Variants in TRIM24 observed in about 807,000 individuals in gnomAD.
TRIM24 encodes tripartite motif containing 24.
TRIM24 carries 29 observed loss-of-function variants against 123.9 expected under a neutral mutation model. The ratio of observed to expected loss-of-function variants is 0.23; its 90% CI spans 0.17 to 0.32. TRIM24 has a LOEUF of 0.32. Among genes scored for constraint, TRIM24 ranks in the 10% least tolerant of loss-of-function variants. The pLI is 1.00. For missense variants in TRIM24, 932 were observed against 1,295.3 expected, an observed-to-expected ratio of 0.72 and a Z score of 4.31; for synonymous variants, 456 against 461.1, an observed-to-expected ratio of 0.99 and a Z score of 0.14.
At chr7:138,471,849 T>C (rs1795279973) in intron 1 of TRIM24, among the ~76,000 whole-genome samples, 1 of 152,134 alleles carries the variant, frequency 6.6e-6, no homozygotes, top group South Asian at 2.1e-4. Flanking sequence ...CCTGGTATAA[T>C]ACATTTAAAA....
intron 4 of TRIM24, 38 bp from the exon 5 acceptor site, chr7:138,525,203 G>T: frequency 1.0e-6 from 1 of 958,780 alleles, no homozygotes; most frequent in South Asian, 2.0e-5. Context: ...TTTCCTCATT[G>T]TATATTTTTA....
intron 16 of TRIM24, 101 bp from the exon 17 acceptor site, chr7:138,581,596 T>TTAGTC (rs1464942763): frequency 1.0e-6 from 1 of 993,434 alleles, no homozygotes; most frequent in Admixed American, 2.7e-5. Context: ...GTTTTAATTT[T>TTAGTC]TAGTCTGACA....
chr7:138,537,379 GTTTTTTT>G (rs71177994), intron 6 of TRIM24, among the ~76,000 whole-genome samples: 151 of 56,624 alleles, frequency 2.7e-3, no homozygotes, highest in African/African-American at 0.01. Flanking sequence ...ACCCCTGTTT[GTTTTTTT>G]TTTTTTTTTT....
chr7:138,571,866 C>A (rs1474976014), intron 11 of TRIM24, among the ~76,000 whole-genome samples: 1 of 82,064 alleles, frequency 1.2e-5, no homozygotes, highest in African/African-American at 3.2e-5. Flanking sequence ...CCACTACACC[C>A]AGCCAGTATG....
At chr7:138,473,860 T>C (rs1170107590) in intron 1 of TRIM24, among the ~76,000 whole-genome samples, 1 of 152,180 alleles carries the variant, frequency 6.6e-6, no homozygotes, top group Non-Finnish European at 1.5e-5. Context: ...AGCCTTAACC[T>C]TCCAGGCCTG....
intron 8 of TRIM24, among the ~76,000 whole-genome samples, chr7:138,552,296 C>G (rs1054246902): frequency 1.3e-5 from 2 of 152,098 alleles, no homozygotes; most frequent in African/African-American, 4.8e-5. Flanking sequence ...CATCCTTTAG[C>G]AACACATAAC....
chr7:138,547,716 C>T (rs1797129501), intron 7 of TRIM24, among the ~76,000 whole-genome samples: 1 of 152,138 alleles, frequency 6.6e-6, no homozygotes, highest in Non-Finnish European at 1.5e-5. Context: ...CCCTCTGTCA[C>T]CCAGGCTTGG....
chr7:138,573,486 A>G (rs1413895052), intron 11 of TRIM24, 21 bp from the exon 12 acceptor site: 1 of 1,533,968 alleles, frequency 6.5e-7, no homozygotes, highest in Non-Finnish European at 8.8e-7. Context: ...AATGCCCTGA[A>G]ATAATTTCTT....
intron 2 of TRIM24, 36 bp downstream of exon 2, chr7:138,504,444 G>GTTTTTTTTTTTTTTTTTTTTTT (rs1563036659): frequency 1.5e-5 from 9 of 603,602 alleles, no homozygotes; most frequent in African/African-American, 6.6e-5. Context: ...TTGCCTGCCA[G>GTTTTTTTTTTTTTTTTTTTTTT]CTCTTTTTTT....
chr7:138,579,154 T>C, intron 14 of TRIM24, 50 bp from the exon 15 acceptor site: 1 of 1,465,126 alleles, frequency 6.8e-7, no homozygotes, highest in Non-Finnish European at 9.2e-7. Flanking sequence ...ATTGCATTAG[T>C]GATAAAATTT....
intron 7 of TRIM24, among the ~76,000 whole-genome samples, chr7:138,550,319 G>GTGTA (rs1491427944): frequency 1.9e-5 from 1 of 52,876 alleles, no homozygotes; most frequent in Non-Finnish European, 4.1e-5. Context: ...GGAGTTGATG[G>GTGTA]TGTGTGTGTG....
intron 1 of TRIM24, chr7:138,491,463 T>C (rs1795779336): frequency 6.5e-6 from 1 of 154,198 alleles, no homozygotes; most frequent in East Asian, 1.9e-4. Flanking sequence ...GTCTGACTTA[T>C]TTCCTTTAGC....
chr7:138,492,712 T>C (rs1217700677), intron 1 of TRIM24, among the ~76,000 whole-genome samples: 1 of 152,204 alleles, frequency 6.6e-6, no homozygotes, highest in Non-Finnish European at 1.5e-5. Context: ...CCCTTAGACG[T>C]TGGAAAATTA....
chr7:138,463,053 T>TTG (rs1554429473), intron 1 of TRIM24, among the ~76,000 whole-genome samples: 4 of 129,030 alleles, frequency 3.1e-5, no homozygotes, highest in Non-Finnish European at 5.0e-5. Flanking sequence ...GTTTTTTTTT[T>TTG]TTTTTTTTTT....
At chr7:138,516,606 T>TC (rs1796401317) in intron 3 of TRIM24, among the ~76,000 whole-genome samples, 7 of 152,146 alleles carry the variant, frequency 4.6e-5, no homozygotes, top group African/African-American at 1.7e-4. Flanking sequence ...CCGCCAGCCT[T>TC]GGCCTCCCAA....
intron 1 of TRIM24, among the ~76,000 whole-genome samples, chr7:138,503,995 G>A (rs1796095961): frequency 6.6e-6 from 1 of 152,054 alleles, no homozygotes; most frequent in Non-Finnish European, 1.5e-5. Flanking sequence ...CGTTTCTGTT[G>A]GAAAACCACT....
intron 3 of TRIM24, among the ~76,000 whole-genome samples, chr7:138,516,470 A>G (rs1469618360): frequency 1.3e-5 from 2 of 152,036 alleles, no homozygotes; most frequent in Non-Finnish European, 2.9e-5. Flanking sequence ...GGTTCATGCT[A>G]TTCTCCTGCC....
Position 138,530,081 on chromosome 7 carries a change from T to C in TRIM24, c.996+851T>C, listed in dbSNP as rs546507969. Among the ~76,000 whole-genome samples, 31 of 152,316 alleles carry C rather than the reference T, an allele frequency of 2.0e-4. No homozygotes were observed. In the East Asian group the frequency reaches 5.8e-3, roughly 28 times the overall value. On this transcript the variant is annotated intron_variant, in intron 6 of 18. Transcript: ENST00000343526. ...TATCCCTTCTGGGAAAGCATGGTCATTCCTGTGTATTATCAGCTGTACAGG... is the reference window on the plus strand; with the variant it reads ...TATCCCTTCTGGGAAAGCATGGTCACTCCTGTGTATTATCAGCTGTACAGG...
At chr7:138,462,034 C>T (rs1794993227) in intron 1 of TRIM24, among the ~76,000 whole-genome samples, 1 of 152,136 alleles carries the variant, frequency 6.6e-6, no homozygotes, top group African/African-American at 2.4e-5. Flanking sequence ...CCCTTGCCAG[C>T]GAGATACTGA....
Sources: allele counts gnomAD v4.1 joint callset (sites outside exome capture counted in the v4.1 genomes callset), GRCh38; gene constraint gnomAD v4.1.1; transcripts MANE v1.5; gene names NCBI Gene and HGNC (gene_info 2026-07-23, HGNC 2026-07-21).